Variants in APC2 observed in about 807,000 individuals in gnomAD.
The protein encoded by APC2 is adenomatous polyposis coli protein 2.
APC2 carries 41 observed loss-of-function variants against 72.5 expected under a neutral mutation model. The ratio of observed to expected loss-of-function variants is 0.57; its 90% CI spans 0.44 to 0.73. APC2 has a LOEUF of 0.73. APC2 is among the 30% of genes least tolerant of loss of function. The probability of loss-of-function intolerance (pLI) is 0.00; values close to 1 mark genes in which losing one functional copy is unlikely to be tolerated. For missense variants in APC2, 3,729 were observed against 3,403.4 expected (o/e 1.10, Z -2.38); for synonymous variants, 1,898 against 1,612.0 (o/e 1.18, Z -4.25).
chr19:1,469,887 G>A lies in APC2; in HGVS notation c.6586G>A (p.Val2196Ile). 6.6e-7 allele frequency: 1 copy of A among 1,523,630 alleles called. No individual in the cohort carries two copies. The highest frequency in any genetic ancestry group is 8.8e-7 in the Non-Finnish European group (1 of 1,142,288). 94.4% of individuals were successfully genotyped at this position (1,523,630 alleles called of 1,614,324 possible). The change falls in exon 15 of 15, where the codon GTC (valine) becomes ATC (isoleucine). Residue 2196 changes from valine to isoleucine, a missense_variant. By Grantham distance (29) the Val-to-Ile change is conservative. Coordinates refer to ENST00000590469, the MANE Select transcript of APC2 (RefSeq NM_005883.3). ...TSDAVVQTEEVAAPKTNSSTS... is the reference protein window; with the variant it reads ...TSDAVVQTEEIAAPKTNSSTS... Reference sequence around the variant, plus strand: ...CGACGCCGTGGTCCAGACCGAGGAGGTCGCCGCCCCCAAGACCAACTCCAG... The same window carrying A: ...CGACGCCGTGGTCCAGACCGAGGAGATCGCCGCCCCCAAGACCAACTCCAG...
chr19:1,457,599 G>C, intron 9 of APC2: 1 of 501,844 alleles, frequency 2.0e-6, no homozygotes, highest in Non-Finnish European at 3.6e-6. Context: ...TTGGAAGGCA[G>C]AAGCAGGAGA....
Position 1,459,062 on chromosome 19 carries a change from C to CTACTT in APC2, c.1303+1004_1303+1008dup, listed in dbSNP as rs1479745325. The stretch of plus-strand genomic sequence containing the variant: ...CCAGCCCCTGGCACCCACCCCCATC[C>CTACTT]TACTTTCTGTCTCTGTGAATCTGAT... On this transcript the variant is annotated intron_variant, in intron 10 of 14. Coordinates refer to ENST00000590469, the MANE Select transcript of APC2 (RefSeq NM_005883.3). Among the ~76,000 whole-genome samples the CTACTT allele has an allele frequency of 2.6e-5, 4 of 152,218 alleles. No homozygotes were observed. In the East Asian group the frequency reaches 7.8e-4, roughly 30 times the overall value.
Position 1,468,130 on chromosome 19 carries a change from C to A in APC2, c.4829C>A (p.Pro1610Gln). The change falls in exon 15 of 15, where the codon CCG becomes CAG. Residue 1610 changes from proline (P) to glutamine (Q), a missense_variant. Pro to Gln is a moderately conservative substitution (Grantham distance 76). Coordinates refer to ENST00000590469, the MANE Select transcript of APC2 (RefSeq NM_005883.3). ...RGREPAVTKD[P>Q]GPGGGRDSSP... ...CGGGAGCCCGCGGTCACCAAGGACC[C>A]GGGCCCAGGAGGCGGACGCGACAGC... The A allele has an allele frequency of 6.6e-7, 1 of 1,503,896 alleles. No homozygotes were observed. Among genetic ancestry groups the A allele is most frequent in the Non-Finnish European group, 8.8e-7 (1 of 1,133,662 alleles). The allele number at this position is 1,503,896 out of a possible 1,614,324, so 93.2% of individuals were successfully genotyped here. A position where few individuals can be genotyped will look rare whatever the true frequency, so the allele number is the denominator to read the frequency against.
chr19:1,458,437 T>TTG (rs1391269777), intron 10 of APC2: 19 of 199,922 alleles, frequency 9.5e-5, no homozygotes, highest in African/African-American at 4.5e-4. Context: ...TTTGTCAATA[T>TTG]AAAAAGTAAT....
chr19:1,457,333 GCTGC>G, intron 9 of APC2, 90 bp downstream of exon 9: 2 of 1,435,308 alleles, frequency 1.4e-6, no homozygotes, highest in Non-Finnish European at 1.8e-6. Context: ...TCCAGCCTTT[GCTGC>G]CTGCCTTCTG....
chr19:1,457,020 CGGGGGT>C lies in APC2; in HGVS notation c.985_990del (p.Gly329_Gly330del). ...TCCTCCACGGCACCGAGGCCGCGGC[CGGGGGT>C]CGCGCCGGGGCCCCAGGGGCACCGG... is the stretch of plus-strand genomic sequence containing the variant. On this transcript the variant is annotated inframe_deletion, in exon 9 of 15. Transcript: ENST00000590469. 6.5e-7 allele frequency: 1 copy of C among 1,527,684 alleles called. No homozygotes were observed. Among genetic ancestry groups the C allele is most frequent in the East Asian group, 2.5e-5 (1 of 39,622 alleles). 94.6% of individuals were successfully genotyped at this position (1,527,684 alleles called of 1,614,324 possible).
Position 1,457,995 on chromosome 19 carries a change from A to G in APC2, c.1238A>G (p.Gln413Arg). ...ATCCCCATCGAGCCGCAGATCTGCC[A>G]GGCCACCTGTGCTGTTATGAAGCTG... ...APIPIEPQIC[Q>R]ATCAVMKLSF... is the part of the protein sequence containing the mutation. Residue 413 changes from glutamine to arginine, a missense_variant, in exon 10 of 15, where the codon CAG (glutamine) becomes CGG (arginine). Coordinates refer to ENST00000590469, the MANE Select transcript of APC2 (RefSeq NM_005883.3). 1 of 1,564,262 alleles carries G rather than the reference A, an allele frequency of 6.4e-7. No individual in the cohort carries two copies. The highest frequency in any genetic ancestry group is 8.7e-7 in the Non-Finnish European group (1 of 1,153,474).
chr19:1,458,316 C>G, intron 10 of APC2: 1 of 547,140 alleles, frequency 1.8e-6, no homozygotes, highest in South Asian at 2.2e-5. Context: ...CCTAAGTTCC[C>G]TGGGGCTCAG....
At chr19:1,455,583 G>A (rs1288689671) in intron 6 of APC2, 83 bp downstream of exon 6, 3 of 1,362,980 alleles carry the variant, frequency 2.2e-6, no homozygotes, top group Non-Finnish European at 3.1e-6. Flanking sequence ...TATGGGCGGG[G>A]TCTGGGGTAA....
intron 13 of APC2, chr19:1,461,413 A>G: frequency 2.0e-6 from 1 of 503,174 alleles, no homozygotes; most frequent in East Asian, 3.5e-5. Context: ...CATCTCTACT[A>G]AAAAAAACAG....
rs1469247329 is a variant in APC2, at chr19:1,467,300, C to T, written c.3999C>T (p.Arg1333=). 2.3e-6 allele frequency: 3 copies of T among 1,324,722 alleles called. No homozygotes were observed. The highest frequency in any genetic ancestry group is 1.5e-5 in the African/African-American group (1 of 65,088). The allele number at this position is 1,324,722 out of a possible 1,614,324, so 82.1% of individuals were successfully genotyped here. Residue 1333 remains arginine, a synonymous_variant, in exon 15 of 15, where the codon CGC becomes CGT. Coordinates refer to ENST00000590469, the MANE Select transcript of APC2 (RefSeq NM_005883.3). ...EGPAPTGSRP[R]GAADQELELL... is the part of the protein sequence containing the mutation. ...CGGCGCCCACGGGTTCTCGCCCTCGCGGCGCCGCGGACCAGGAGCTGGAAC... is the reference window on the plus strand; with the variant it reads ...CGGCGCCCACGGGTTCTCGCCCTCGTGGCGCCGCGGACCAGGAGCTGGAAC...
Position 1,453,081 on chromosome 19 carries a change from A to G in APC2, c.80A>G (p.Gln27Arg), listed in dbSNP as rs1276227580. 1.9e-6 allele frequency: 3 copies of G among 1,610,058 alleles called. No individual in the cohort carries two copies. Among genetic ancestry groups the G allele is most frequent in the Non-Finnish European group, 2.5e-6 (3 of 1,179,146 alleles). Residue 27 changes from glutamine to arginine, a missense_variant, in exon 2 of 15, where the codon CAG becomes CGG. Transcript: ENST00000590469. ...AAGGCTGAGAACAGCCACCTGAGGC[A>G]GGAGCTAAGGGACAACTCCAGCCAC... Reference protein sequence around the residue: ...ALKAENSHLRQELRDNSSHLS... With the variant: ...ALKAENSHLRRELRDNSSHLS...
intron 10 of APC2, among the ~76,000 whole-genome samples, chr19:1,459,572 T>C (rs533803356): frequency 2.1e-4 from 32 of 152,288 alleles, no homozygotes; most frequent in African/African-American, 7.7e-4. Flanking sequence ...CCCCAAAGGG[T>C]GTCTCCACTG....
chr19:1,454,727 C>A (rs1297479637), intron 4 of APC2, among the ~76,000 whole-genome samples: 4 of 152,086 alleles, frequency 2.6e-5, no homozygotes, highest in Non-Finnish European at 5.9e-5. Flanking sequence ...CCACGCCCGG[C>A]TAATTTTGTT....
In APC2 at chr19:1,471,004, T is replaced by C. The variant is rs936789526; in HGVS notation, c.*791T>C. The C allele has an allele frequency of 1.3e-5, 2 of 152,182 alleles. No individual in the cohort carries two copies. Among genetic ancestry groups the C allele is most frequent in the African/African-American group, 4.8e-5 (2 of 41,432 alleles). The allele number at this position is 152,182 out of a possible 1,614,324, so 9.4% of individuals were successfully genotyped here. On this transcript the variant is annotated 3_prime_UTR_variant, in exon 15 of 15. Transcript: ENST00000590469. ...TGCAGACGCCGGGCCGGCTGACATT[T>C]GGACCCCATCCCAGAGGAGATGCTG... is the stretch of plus-strand genomic sequence containing the variant.
In APC2 at chr19:1,468,056, C is replaced by T. The variant is rs1043789088; in HGVS notation, c.4755C>T (p.Ser1585=). 12 of 1,574,006 alleles carry T rather than the reference C, an allele frequency of 7.6e-6. No individual in the cohort carries two copies. The highest frequency in any genetic ancestry group is 1.7e-4 in the Middle Eastern group (1 of 5,970). ...PCYSLSSSAS[S]LSEPEPSEPP... Reference sequence around the variant, plus strand: ...ACTCCCTGAGCTCCTCCGCCAGCTCCCTCAGCGAGCCCGAGCCCTCGGAGC... The same window carrying T: ...ACTCCCTGAGCTCCTCCGCCAGCTCTCTCAGCGAGCCCGAGCCCTCGGAGC... Residue 1585 remains serine, a synonymous_variant, in exon 15 of 15, where the codon TCC becomes TCT. Coordinates refer to ENST00000590469, the MANE Select transcript of APC2 (RefSeq NM_005883.3).
intron 11 of APC2, 35 bp from the exon 12 acceptor site, chr19:1,460,745 C>T: frequency 6.2e-7 from 1 of 1,603,442 alleles, no homozygotes; most frequent in Non-Finnish European, 8.5e-7. Flanking sequence ...CCTTGTGTCC[C>T]AACCCCGTGA....
At position 1,464,095 on chromosome 19, in the gene APC2, G is replaced by A. The variant is rs562966451; in HGVS notation, c.1854-1060G>A. Among the ~76,000 whole-genome samples, 82 of 152,112 alleles carry A rather than the reference G, an allele frequency of 5.4e-4. No individual in the cohort carries two copies. In the South Asian group the frequency reaches 0.016, roughly 30 times the overall value. On this transcript the variant is annotated intron_variant, in intron 14 of 14. Transcript: ENST00000590469. ...AGGCCGAGGTAGGTGGATCACCTGA[G>A]GTCAGGAGTTTGAGACCAGCCTAGC...
rs955811219 is a variant in APC2 at position 1,470,384 on chromosome 19, C to T, written c.*171C>T. The T allele has an allele frequency of 3.0e-6, 3 of 992,956 alleles. No individual in the cohort carries two copies. The highest frequency in any genetic ancestry group is 1.8e-5 in the South Asian group (1 of 54,950). 61.5% of individuals were successfully genotyped at this position (992,956 alleles called of 1,614,324 possible). A position where few individuals can be genotyped will look rare whatever the true frequency, so the allele number is the denominator to read the frequency against. Reference sequence around the variant, plus strand: ...AGCGCACGGCGACCTCGCGCCTCACCGGAAGACCTTGCCTCTGTGCCGCGG... The same window carrying T: ...AGCGCACGGCGACCTCGCGCCTCACTGGAAGACCTTGCCTCTGTGCCGCGG... On this transcript the variant is annotated 3_prime_UTR_variant, in exon 15 of 15. Coordinates refer to ENST00000590469, the MANE Select transcript of APC2 (RefSeq NM_005883.3).
Sources: allele counts gnomAD v4.1 joint callset (sites outside exome capture counted in the v4.1 genomes callset), GRCh38; gene constraint gnomAD v4.1.1; transcripts MANE v1.5; gene names NCBI Gene and HGNC (gene_info 2026-07-23, HGNC 2026-07-21).